Variants in EFNA5 observed in about 807,000 individuals in gnomAD.
The protein encoded by EFNA5 is ephrin-A5.
EFNA5 carries 5 observed loss-of-function variants against 22.9 expected under a neutral mutation model. The ratio of observed to expected loss-of-function variants is 0.22; its 90% CI spans 0.11 to 0.46. The LOEUF is 0.46. EFNA5 is among the 20% of genes least tolerant of loss of function. EFNA5 has a pLI of 0.99. For synonymous variants in EFNA5, 113 were observed against 112.2 expected (o/e 1.01, Z -0.04); for missense variants, 237 against 293.3 (o/e 0.81, Z 1.40).
intron 1 of EFNA5, among the ~76,000 whole-genome samples, chr5:107,582,020 A>C (rs1473534430): frequency 6.6e-6 from 1 of 152,204 alleles, no homozygotes; most frequent in Non-Finnish European, 1.5e-5. Flanking sequence ...TTGCATAGGT[A>C]CCCAGAAAAA....
chr5:107,477,759 A>T (rs933712651), intron 1 of EFNA5, among the ~76,000 whole-genome samples: 2 of 152,144 alleles, frequency 1.3e-5, no homozygotes, highest in Admixed American at 6.5e-5. Flanking sequence ...CTAGGCCACA[A>T]TATATTATTT....
At position 107,556,790 on chromosome 5, in the gene EFNA5, A is replaced by AAATAAATAAATAAATAAATATATAAAAT. The variant is rs142616864; in HGVS notation, c.125+113698_125+113699insATTTTATATATTTATTTATTTATTTATT. ...TAAATAAATAAATAAATAAATAAATAAAATAAAATAAATAACTATCTCAAA... is the reference window on the plus strand; with the variant it reads ...TAAATAAATAAATAAATAAATAAATAAATAAATAAATAAATAAATATATAAAATAAATAAAATAAATAACTATCTCAAA... On this transcript the variant is annotated intron_variant, in intron 1 of 4. Coordinates refer to ENST00000333274, the MANE Select transcript of EFNA5 (RefSeq NM_001962.3). Among the ~76,000 whole-genome samples the AAATAAATAAATAAATAAATATATAAAAT allele has an allele frequency of 1.4e-5, 2 of 140,548 alleles. 1 individual carries two copies. Among genetic ancestry groups the AAATAAATAAATAAATAAATATATAAAAT allele is most frequent in the African/African-American group, 5.3e-5 (2 of 37,420 alleles). 92.2% of individuals were successfully genotyped at this position (140,548 alleles called of 152,430 possible).
intron 1 of EFNA5, among the ~76,000 whole-genome samples, chr5:107,535,639 C>T (rs539982127): frequency 6.6e-6 from 1 of 152,098 alleles, no homozygotes; most frequent in African/African-American, 2.4e-5. Flanking sequence ...CTAACTGCAG[C>T]ATAAATAATT....
At chr5:107,621,604 C>G (rs1750040991) in intron 1 of EFNA5, among the ~76,000 whole-genome samples, 1 of 150,814 alleles carries the variant, frequency 6.6e-6, no homozygotes, top group African/African-American at 2.5e-5. Context: ...CTCCACCCCC[C>G]TGAGGCAGCT....
At chr5:107,458,438 G>T (rs1006891068) in intron 1 of EFNA5, among the ~76,000 whole-genome samples, 11 of 151,848 alleles carry the variant, frequency 7.2e-5, no homozygotes, top group African/African-American at 2.7e-4. Flanking sequence ...ATAAGAAAAG[G>T]CTTACCCGAG....
intron 1 of EFNA5, among the ~76,000 whole-genome samples, chr5:107,561,776 A>G (rs1256344643): frequency 6.6e-6 from 1 of 152,348 alleles, no homozygotes; most frequent in East Asian, 1.9e-4. Flanking sequence ...TTAAACAGAT[A>G]GTGGACATTA....
At chr5:107,517,962 G>A (rs1215807623) in intron 1 of EFNA5, among the ~76,000 whole-genome samples, 2 of 152,118 alleles carry the variant, frequency 1.3e-5, no homozygotes, top group Non-Finnish European at 2.9e-5. Context: ...GCAATGAAGT[G>A]TACTCAGCAG....
chr5:107,468,771 A>C (rs1320540372), intron 1 of EFNA5, among the ~76,000 whole-genome samples: 1 of 151,074 alleles, frequency 6.6e-6, no homozygotes, highest in Admixed American at 6.6e-5. Flanking sequence ...GCTACATGTG[A>C]TGTAGAAATA....
chr5:107,663,033 T>TTCTG (rs1750996167), intron 1 of EFNA5, among the ~76,000 whole-genome samples: 1 of 152,078 alleles, frequency 6.6e-6, no homozygotes. Context: ...AAACATCCTT[T>TTCTG]TCTGTCAACT....
chr5:107,569,739 C>G (rs1435147147), intron 1 of EFNA5, among the ~76,000 whole-genome samples: 1 of 146,786 alleles, frequency 6.8e-6, no homozygotes, highest in Non-Finnish European at 1.5e-5. Flanking sequence ...GTAATCCCAG[C>G]TACTTGGGAG....
intron 2 of EFNA5, among the ~76,000 whole-genome samples, chr5:107,394,555 T>G (rs1480784219): frequency 6.6e-6 from 1 of 152,044 alleles, no homozygotes; most frequent in Non-Finnish European, 1.5e-5. Flanking sequence ...AGAGTAAACT[T>G]CAGGACAAGG....
intron 1 of EFNA5, among the ~76,000 whole-genome samples, chr5:107,463,597 T>C (rs1255214463): frequency 1.3e-5 from 2 of 152,138 alleles, no homozygotes; most frequent in African/African-American, 2.4e-5. Context: ...GTAAAAACAA[T>C]TGATCTAAAC....
intron 2 of EFNA5, among the ~76,000 whole-genome samples, chr5:107,423,900 A>G (rs1269433456): frequency 6.6e-6 from 1 of 152,178 alleles, no homozygotes; most frequent in Non-Finnish European, 1.5e-5. Flanking sequence ...GTAAATTGGA[A>G]ACTTCATTTA....
At chr5:107,635,195 T>C (rs1452970217) in intron 1 of EFNA5, among the ~76,000 whole-genome samples, 2 of 152,242 alleles carry the variant, frequency 1.3e-5, no homozygotes, top group Non-Finnish European at 2.9e-5. Flanking sequence ...CGCATCCATA[T>C]GATTTAGCAA....
chr5:107,462,534 C>T (rs565077652), intron 1 of EFNA5, among the ~76,000 whole-genome samples: 1 of 152,132 alleles, frequency 6.6e-6, no homozygotes, highest in Non-Finnish European at 1.5e-5. Context: ...TCACACACAG[C>T]ATGGCCCTTG....
intron 1 of EFNA5, among the ~76,000 whole-genome samples, chr5:107,590,303 C>T (rs770576060): frequency 3.9e-5 from 6 of 152,160 alleles, no homozygotes; most frequent in Non-Finnish European, 7.4e-5. Flanking sequence ...GAATAACATT[C>T]TTGGAATGCT....
rs536438662 is a variant in EFNA5, at chr5:107,430,493, C to G, written c.126-2984G>C. On this transcript the variant is annotated intron_variant, in intron 1 of 4. Transcript: ENST00000333274. ...AATTAAAACTGCCATTGTCTGGACC[C>G]ATTCTGTTACTCCTTTATTCTGTAA... Among the ~76,000 whole-genome samples, 3 of 152,168 alleles carry G rather than the reference C, an allele frequency of 2.0e-5. No homozygotes were observed. In the South Asian group the frequency reaches 6.2e-4, roughly 32 times the overall value.
intron 1 of EFNA5, among the ~76,000 whole-genome samples, chr5:107,669,394 A>T (rs1029131655): frequency 1.3e-5 from 2 of 151,992 alleles, no homozygotes; most frequent in African/African-American, 4.8e-5. Context: ...ACCGGCACAC[A>T]GCTGGAAGCT....
At chr5:107,586,765 G>C (rs1247087482) in intron 1 of EFNA5, among the ~76,000 whole-genome samples, 1 of 152,136 alleles carries the variant, frequency 6.6e-6, no homozygotes, top group African/African-American at 2.4e-5. Context: ...AGGAAACCAA[G>C]AACACTCCTT....
Sources: allele counts gnomAD v4.1 joint callset (sites outside exome capture counted in the v4.1 genomes callset), GRCh38; gene constraint gnomAD v4.1.1; transcripts MANE v1.5; gene names NCBI Gene and HGNC (gene_info 2026-07-23, HGNC 2026-07-21).